The following CHLSN variants were observed in gnomAD, a reference collection of about 807,000 sequenced individuals.
CHLSN encodes protein cholesin.
At chr7:1,075,507 C>G in the CHLSN span, among the ~76,000 whole-genome samples, 1 of 149,674 alleles carries the variant, frequency 6.7e-6, no homozygotes, top group Non-Finnish European at 1.5e-5. Flanking sequence ...CTGGGTGACA[C>G]AGCTAGATTC....
chr7:1,050,547 G>C, the CHLSN span, among the ~76,000 whole-genome samples: 20,050 of 152,228 alleles, frequency 0.13, 1,442 homozygotes, highest in Middle Eastern at 0.21. Context: ...AGCTCCGAGC[G>C]GATGCTCTGC....
the CHLSN span, among the ~76,000 whole-genome samples, chr7:1,098,925 C>G: frequency 6.6e-6 from 1 of 152,226 alleles, no homozygotes; most frequent in African/African-American, 2.4e-5. Flanking sequence ...CTGCACAAGT[C>G]TGTGACTAAA....
chr7:986,147 C>T, the CHLSN span, among the ~76,000 whole-genome samples: 5 of 152,234 alleles, frequency 3.3e-5, no homozygotes, highest in East Asian at 3.9e-4. Context: ...TCACTACTGG[C>T]GATCGCGGAC....
chr7:1,028,388 G>T, the CHLSN span: 1 of 987,670 alleles, frequency 1.0e-6, no homozygotes. Flanking sequence ...GGCCGGCCCG[G>T]CGCGGCTGGA....
the CHLSN span, among the ~76,000 whole-genome samples, chr7:1,061,489 C>A: frequency 1.3e-5 from 2 of 152,142 alleles, no homozygotes; most frequent in African/African-American, 4.8e-5. Context: ...CCAAGGCCTC[C>A]GTCCTCATCC....
chr7:1,053,927 T>G, the CHLSN span, among the ~76,000 whole-genome samples: 1 of 152,242 alleles, frequency 6.6e-6, no homozygotes, highest in African/African-American at 2.4e-5. Flanking sequence ...AACCAGCTCC[T>G]GGAGGGCACT....
chr7:1,010,586 CCTG>C, the CHLSN span, among the ~76,000 whole-genome samples: 1 of 152,190 alleles, frequency 6.6e-6, no homozygotes, highest in African/African-American at 2.4e-5. Flanking sequence ...GTGCCTGGGG[CCTG>C]CTGCTTTCTG....
At chr7:1,008,314 G>T in the CHLSN span, among the ~76,000 whole-genome samples, 3 of 152,188 alleles carry the variant, frequency 2.0e-5, no homozygotes, top group Admixed American at 1.3e-4. Context: ...TACAGCGACT[G>T]ACCCTGCGGT....
the CHLSN span, among the ~76,000 whole-genome samples, chr7:1,120,952 G>A: frequency 6.6e-6 from 1 of 152,168 alleles, no homozygotes; most frequent in Non-Finnish European, 1.5e-5. Context: ...TGGACATGGG[G>A]CAGCGCGGCT....
At chr7:1,020,399 G>A in the CHLSN span, among the ~76,000 whole-genome samples, 8 of 152,136 alleles carry the variant, frequency 5.3e-5, no homozygotes, top group Admixed American at 4.6e-4. Flanking sequence ...ACTCTTCCTG[G>A]GCCCCAGAGA....
chr7:1,019,062 G>A, the CHLSN span, among the ~76,000 whole-genome samples: 1 of 152,094 alleles, frequency 6.6e-6, no homozygotes, highest in Non-Finnish European at 1.5e-5. Context: ...GGGCATGGTG[G>A]TGCACGTCTG....
At chr7:1,002,801 GT>G in the CHLSN span, among the ~76,000 whole-genome samples, 1 of 70,682 alleles carries the variant, frequency 1.4e-5, no homozygotes. Context: ...GGTGAGTGGA[GT>G]CCTGTGGGTG....
At chr7:1,002,663 T>C in the CHLSN span, among the ~76,000 whole-genome samples, 1 of 80,420 alleles carries the variant, frequency 1.2e-5, no homozygotes. Flanking sequence ...GTGAGTGGAG[T>C]CCTGCGGGTG....
the CHLSN span, among the ~76,000 whole-genome samples, chr7:981,869 A>C: frequency 2.0e-5 from 3 of 151,846 alleles, no homozygotes; most frequent in Non-Finnish European, 4.4e-5. Flanking sequence ...TTTCTACATA[A>C]ATAAATAAAT....
At chr7:1,045,319 T>A in the CHLSN span, 1 of 152,292 alleles carries the variant, frequency 6.6e-6, no homozygotes, top group Admixed American at 6.5e-5. Flanking sequence ...AGGATAATTC[T>A]GTATTCGTCG....
At chr7:1,116,192 C>A in the CHLSN span, among the ~76,000 whole-genome samples, 6 of 135,584 alleles carry the variant, frequency 4.4e-5, no homozygotes, top group East Asian at 5.5e-4. Context: ...AGGATGACAT[C>A]ACTACAGCTC....
At chr7:1,057,523 G>T in the CHLSN span, 3 of 769,326 alleles carry the variant, frequency 3.9e-6, no homozygotes, top group Non-Finnish European at 7.2e-6. Context: ...GCCATGTGGA[G>T]CTGCAGCTGG....
chr7:1,035,505 A>G, the CHLSN span, among the ~76,000 whole-genome samples: 5 of 152,258 alleles, frequency 3.3e-5, no homozygotes, highest in African/African-American at 1.2e-4. Flanking sequence ...CTCGAACCAA[A>G]GAAGATTTAC....
the CHLSN span, among the ~76,000 whole-genome samples, chr7:992,521 C>T: frequency 3.3e-5 from 5 of 152,260 alleles, no homozygotes; most frequent in Non-Finnish European, 5.9e-5. Context: ...TGCCACGCCA[C>T]CGCTCAACCA....
Sources: allele counts gnomAD v4.1 joint callset (sites outside exome capture counted in the v4.1 genomes callset), GRCh38; gene constraint gnomAD v4.1.1; transcripts MANE v1.5; gene names NCBI Gene and HGNC (gene_info 2026-07-23, HGNC 2026-07-21).